Variants in CPEB1 observed in about 807,000 individuals in gnomAD.
CPEB1 encodes cytoplasmic polyadenylation element-binding protein 1.
CPEB1 carries 7 observed loss-of-function variants against 65.8 expected under a neutral mutation model. The ratio of observed to expected loss-of-function variants is 0.11; its 90% CI spans 0.06 to 0.20. The LOEUF (loss-of-function observed/expected upper bound fraction) is 0.20. Among genes scored for constraint, CPEB1 ranks in the 10% least tolerant of loss-of-function variants. The pLI, the probability that CPEB1 is intolerant of heterozygous loss-of-function variation, is 1.00. For missense variants in CPEB1, 551 were observed against 712.2 expected, an observed-to-expected ratio of 0.77 and a Z score of 2.58; for synonymous variants, 262 against 260.0, an observed-to-expected ratio of 1.01 and a Z score of -0.08.
At chr15:82,578,204 G>C (rs2040877123) in intron 3 of CPEB1, among the ~76,000 whole-genome samples, 1 of 152,186 alleles carries the variant, frequency 6.6e-6, no homozygotes, top group Admixed American at 6.5e-5. Flanking sequence ...AGGAAACTGA[G>C]TAATTCCATG....
intron 1 of CPEB1, among the ~76,000 whole-genome samples, chr15:82,646,657 T>C (rs767710844): frequency 6.6e-6 from 1 of 152,080 alleles, no homozygotes; most frequent in Non-Finnish European, 1.5e-5. Context: ...CTGCCTGGCT[T>C]TTCTCGGTCA....
intron 3 of CPEB1, among the ~76,000 whole-genome samples, chr15:82,596,073 C>T (rs1353351191): frequency 1.3e-5 from 2 of 152,150 alleles, no homozygotes; most frequent in Non-Finnish European, 2.9e-5. Flanking sequence ...AAATTTATAG[C>T]AGAGGGCAGA....
At chr15:82,619,043 C>T (rs866949926) in intron 3 of CPEB1, among the ~76,000 whole-genome samples, 48 of 152,148 alleles carry the variant, frequency 3.2e-4, no homozygotes, top group African/African-American at 1.1e-3. Flanking sequence ...TGAAGGACTT[C>T]ACTACCAACT....
chr15:82,639,147 T>C (rs1169538160), intron 1 of CPEB1, among the ~76,000 whole-genome samples: 6 of 152,226 alleles, frequency 3.9e-5, no homozygotes, highest in Admixed American at 2.0e-4. Flanking sequence ...TCCTTATCAA[T>C]AGCATATAAA....
upstream of CPEB1, chr15:82,648,352 C>G (rs866128025): frequency 1.3e-5 from 2 of 153,610 alleles, no homozygotes; most frequent in African/African-American, 2.4e-5. Context: ...CGCGCTCCTT[C>G]TCTTCCAGTG....
chr15:82,611,704 C>T (rs2044167689), intron 3 of CPEB1, among the ~76,000 whole-genome samples: 1 of 150,176 alleles, frequency 6.7e-6, no homozygotes, highest in Non-Finnish European at 1.5e-5. Context: ...AATCACGTCT[C>T]AAAAAAAAGA....
At chr15:82,646,695 G>A (rs1298066994) in intron 1 of CPEB1, among the ~76,000 whole-genome samples, 1 of 152,236 alleles carries the variant, frequency 6.6e-6, no homozygotes, top group East Asian at 1.9e-4. Flanking sequence ...CGCTCACAGA[G>A]CCTTCTGGTC....
chr15:82,617,737 T>TG (rs2044871816), intron 3 of CPEB1, among the ~76,000 whole-genome samples: 1 of 130,468 alleles, frequency 7.7e-6, no homozygotes, highest in Non-Finnish European at 1.7e-5. Context: ...TTTTTTTTTT[T>TG]TTTTTTTTTT....
At chr15:82,546,003 T>G (rs985748571) in intron 12 of CPEB1, among the ~76,000 whole-genome samples, 1 of 84,228 alleles carries the variant, frequency 1.2e-5, no homozygotes, top group African/African-American at 5.8e-5. Flanking sequence ...CTATCTAAAG[T>G]ATGTCTGTCC....
intron 4 of CPEB1, among the ~76,000 whole-genome samples, chr15:82,570,609 G>C (rs866944835): frequency 2.6e-5 from 4 of 152,000 alleles, no homozygotes; most frequent in Non-Finnish European, 4.4e-5. Flanking sequence ...GCAATTTAAG[G>C]GGGGGCTGCC....
chr15:82,584,719 C>G (rs1281543523), intron 3 of CPEB1, among the ~76,000 whole-genome samples: 1 of 145,848 alleles, frequency 6.9e-6, no homozygotes, highest in Non-Finnish European at 1.5e-5. Context: ...TCTATCTACA[C>G]AGTAAAATGC....
intron 1 of CPEB1, among the ~76,000 whole-genome samples, chr15:82,639,383 T>A (rs1429352054): frequency 1.3e-5 from 2 of 152,102 alleles, no homozygotes; most frequent in Non-Finnish European, 2.9e-5. Flanking sequence ...TCCCACACTA[T>A]CCCCCAAAGA....
chr15:82,579,619 A>G (rs7169145), intron 3 of CPEB1, among the ~76,000 whole-genome samples: 3,372 of 151,988 alleles, frequency 0.022, 127 homozygotes, highest in African/African-American at 0.076. Context: ...TCAACAAAAG[A>G]CTCTCAAGCA....
intron 3 of CPEB1, among the ~76,000 whole-genome samples, chr15:82,574,662 G>T (rs1426950132): frequency 7.1e-6 from 1 of 140,030 alleles, no homozygotes; most frequent in Non-Finnish European, 1.5e-5. Context: ...GGGAGAGGTT[G>T]CAGTGAGCCA....
At chr15:82,639,469 G>C (rs1386818108) in intron 1 of CPEB1, among the ~76,000 whole-genome samples, 1 of 150,048 alleles carries the variant, frequency 6.7e-6, no homozygotes, top group Non-Finnish European at 1.5e-5. Context: ...AATCATGTGG[G>C]TATTCTTTTG....
intron 3 of CPEB1, among the ~76,000 whole-genome samples, chr15:82,607,709 A>G (rs2043754137): frequency 6.6e-6 from 1 of 152,222 alleles, no homozygotes; most frequent in Admixed American, 6.5e-5. Flanking sequence ...CAAAACAGAC[A>G]TTAAGACAAA....
upstream of CPEB1, chr15:82,648,076 C>T (rs1373640661): frequency 5.3e-6 from 2 of 379,712 alleles, no homozygotes; most frequent in Non-Finnish European, 9.2e-6. Flanking sequence ...GCCCTCGCCT[C>T]CGCCCCCTCG....
intron 3 of CPEB1, among the ~76,000 whole-genome samples, chr15:82,622,379 T>G (rs891119786): frequency 6.6e-6 from 1 of 151,836 alleles, no homozygotes; most frequent in East Asian, 1.9e-4. Flanking sequence ...AACGGGGAAT[T>G]CAGATGCTCC....
intron 3 of CPEB1, among the ~76,000 whole-genome samples, chr15:82,622,410 G>A (rs927255384): frequency 1.3e-5 from 2 of 151,902 alleles, no homozygotes; most frequent in Non-Finnish European, 1.5e-5. Flanking sequence ...TCCCTGCCCC[G>A]CCACATCTCT....
Sources: allele counts gnomAD v4.1 joint callset (sites outside exome capture counted in the v4.1 genomes callset), GRCh38; gene constraint gnomAD v4.1.1; transcripts MANE v1.5; gene names NCBI Gene and HGNC (gene_info 2026-07-23, HGNC 2026-07-21).